EPG5: variants seen among roughly 807,000 people sequenced by gnomAD.
The protein encoded by EPG5 is ectopic P granules protein 5 homolog.
EPG5 carries 159 observed loss-of-function variants against 302.7 expected under a neutral mutation model. That is an observed-to-expected ratio of 0.53 (90% CI 0.46 to 0.60). EPG5 has a LOEUF of 0.60. EPG5 is among the 20% of genes least tolerant of loss of function. The pLI is 0.00. For missense variants in EPG5, 2,896 were observed against 3,092.4 expected, an observed-to-expected ratio of 0.94 and a Z score of 1.51; for synonymous variants, 1,158 against 1,136.8, an observed-to-expected ratio of 1.02 and a Z score of -0.37.
chr18:45,934,677 T>G (rs887385036), intron 11 of EPG5, 132 bp downstream of exon 11: 2 of 1,033,240 alleles, frequency 1.9e-6, no homozygotes, highest in Non-Finnish European at 2.7e-6. Flanking sequence ...CTCCTGAATT[T>G]CAAAATCATT....
Position 45,954,970 on chromosome 18 carries a change from A to G in EPG5, c.432T>C (p.Asn144=), listed in dbSNP as rs1238100477. Reference sequence around the variant, plus strand: ...CTGAAAGTCCACCTTGTACCGACATATTTTCCTCTACCTCTGTGAAGTTCT... The same window carrying G: ...CTGAAAGTCCACCTTGTACCGACATGTTTTCCTCTACCTCTGTGAAGTTCT... ...TPKNFTEVEE[N]MSVQGGLSES... is the part of the protein sequence containing the mutation. The change falls in exon 2 of 44, where the codon AAT becomes AAC. Residue 144 remains asparagine, a synonymous_variant. Transcript: ENST00000282041. 7 of 1,613,854 alleles carry G rather than the reference A, an allele frequency of 4.3e-6. No homozygotes were observed. The highest frequency in any genetic ancestry group is 5.1e-6 in the Non-Finnish European group (6 of 1,179,956).
At chr18:45,954,317 G>T in intron 2 of EPG5, 77 bp downstream of exon 2, 1 of 1,344,066 alleles carries the variant, frequency 7.4e-7, no homozygotes, top group Non-Finnish European at 1.0e-6. Context: ...TGGGTGTAAG[G>T]CACAGACTCC....
At chr18:45,838,684 C>G in the EPG5 span, 1 of 1,527,196 alleles carries the variant, frequency 6.5e-7, no homozygotes, top group Admixed American at 1.9e-5. Flanking sequence ...GGGAGGGGTG[C>G]CCTTGTGACA....
At chr18:45,815,616 A>G in the EPG5 span, among the ~76,000 whole-genome samples, 2 of 152,228 alleles carry the variant, frequency 1.3e-5, no homozygotes, top group Admixed American at 6.5e-5. Flanking sequence ...GGAAAACTAC[A>G]AAACATTGCT....
intron 20 of EPG5, 41 bp downstream of exon 20, chr18:45,915,470 T>G: frequency 7.2e-7 from 1 of 1,389,876 alleles, no homozygotes; most frequent in South Asian, 1.2e-5. Context: ...GAGATTAAAG[T>G]TCACAAAGAT....
chr18:45,853,219 A>G (rs1367451320), intron 43 of EPG5, among the ~76,000 whole-genome samples: 1 of 152,242 alleles, frequency 6.6e-6, no homozygotes, highest in Non-Finnish European at 1.5e-5. Flanking sequence ...AGTGCTGCCA[A>G]GAGTAAGTGA....
rs1599546286 is a variant in EPG5 at position 45,908,047 on chromosome 18, C to T, written c.4240G>A (p.Glu1414Lys). 6.4e-7 allele frequency: 1 copy of T among 1,567,116 alleles called. No homozygotes were observed. The highest frequency in any genetic ancestry group is 8.7e-7 in the Non-Finnish European group (1 of 1,148,298). The change falls in exon 24 of 44, where the codon GAG becomes AAG. Residue 1414 changes from glutamate (E) to lysine (K), a missense_variant. Coordinates refer to ENST00000282041, the MANE Select transcript of EPG5 (RefSeq NM_020964.3). ...FNVYILWLED[E>K]NFQKGDTYIP... ...TAGGTATCTCCTTTTTGAAAATTCT[C>T]ATCTTCTAGCCATAATATATATACA... is the stretch of plus-strand genomic sequence containing the variant.
chr18:45,906,638 T>G (rs1212559070), intron 24 of EPG5, among the ~76,000 whole-genome samples: 1 of 151,850 alleles, frequency 6.6e-6, no homozygotes, highest in Non-Finnish European at 1.5e-5. Flanking sequence ...TAGTACCCTG[T>G]GCATTCCACT....
intron 5 of EPG5, 139 bp downstream of exon 5, chr18:45,949,345 A>G: frequency 3.6e-6 from 2 of 549,726 alleles, no homozygotes; most frequent in South Asian, 5.6e-5. Flanking sequence ...ATAAATGTAT[A>G]CTGGATATAT....
At chr18:45,861,389 A>G (rs1365415319) in intron 39 of EPG5, among the ~76,000 whole-genome samples, 1 of 152,256 alleles carries the variant, frequency 6.6e-6, no homozygotes, top group Non-Finnish European at 1.5e-5. Context: ...GACTAATAGG[A>G]ATAGATTACT....
At chr18:45,905,845 T>C (rs553545840) in intron 24 of EPG5, among the ~76,000 whole-genome samples, 1 of 152,304 alleles carries the variant, frequency 6.6e-6, no homozygotes, top group Non-Finnish European at 1.5e-5. Context: ...ACCAAGTACC[T>C]ACCATGTACA....
the EPG5 span, among the ~76,000 whole-genome samples, chr18:45,817,706 G>A: frequency 1.3e-5 from 2 of 152,240 alleles, no homozygotes; most frequent in African/African-American, 2.4e-5. Context: ...TGCTGCTTGA[G>A]AGTCCTCATG....
At chr18:45,836,204 T>G in the EPG5 span, among the ~76,000 whole-genome samples, 1 of 152,124 alleles carries the variant, frequency 6.6e-6, no homozygotes. Flanking sequence ...AAAAGTCATA[T>G]TTCTCCCATC....
At position 45,967,235 on chromosome 18, in the gene EPG5, G is replaced by A. The variant is rs2143989952; in HGVS notation, c.5C>T (p.Ala2Val). Reference protein sequence around the residue: MAEAVKPQRRAK... With the variant: MVEAVKPQRRAK... The stretch of plus-strand genomic sequence containing the variant: ...CCGGCGCTGGGGCTTCACCGCCTCG[G>A]CCATAGACCCTTCCGCGGCGCCGTC... Residue 2 changes from alanine (A) to valine (V), a missense_variant, in exon 1 of 44, where the codon GCC (alanine) becomes GTC (valine). Physicochemically the swap from Ala to Val is moderately conservative, Grantham distance 64. Coordinates refer to ENST00000282041, the MANE Select transcript of EPG5 (RefSeq NM_020964.3). 1 of 1,597,688 alleles carries A rather than the reference G, an allele frequency of 6.3e-7. No individual in the cohort carries two copies. Among genetic ancestry groups the A allele is most frequent in the Non-Finnish European group, 8.5e-7 (1 of 1,172,634 alleles).
In EPG5 at chr18:45,912,398, T is replaced by TA; in HGVS notation, c.3874dup (p.Tyr1292LeufsTer13). 1 of 1,610,910 alleles carries TA rather than the reference T, an allele frequency of 6.2e-7. No individual in the cohort carries two copies. Among genetic ancestry groups the TA allele is most frequent in the Non-Finnish European group, 8.5e-7 (1 of 1,178,946 alleles). On this transcript the variant is annotated frameshift_variant, in exon 22 of 44. Transcript: ENST00000282041. LOFTEE classifies it high-confidence loss of function. ...GACCAGAGCCTGGTGGGCCCAGCGA[T>TA]AAATCAGCAGCCTCTGGAGGGATGG...
chr18:45,895,845 C>A (rs2049459149), intron 27 of EPG5, among the ~76,000 whole-genome samples: 1 of 152,160 alleles, frequency 6.6e-6, no homozygotes, highest in South Asian at 2.1e-4. Flanking sequence ...GAGTCATAAA[C>A]ACTGAGAACT....
chr18:45,886,175 C>T (rs2049212947), intron 29 of EPG5, among the ~76,000 whole-genome samples: 1 of 152,208 alleles, frequency 6.6e-6, no homozygotes, highest in South Asian at 2.1e-4. Context: ...TATCAAATTC[C>T]TTTGACACAG....
intron 35 of EPG5, among the ~76,000 whole-genome samples, chr18:45,875,871 A>T (rs988284610): frequency 2.0e-5 from 3 of 152,150 alleles, no homozygotes; most frequent in African/African-American, 7.2e-5. Flanking sequence ...CCTGGGCAAC[A>T]TGGTGAAACC....
At chr18:45,907,546 T>C (rs1020441452) in intron 24 of EPG5, among the ~76,000 whole-genome samples, 1 of 152,080 alleles carries the variant, frequency 6.6e-6, no homozygotes, top group Non-Finnish European at 1.5e-5. Context: ...GCTCCTGATC[T>C]CCTCCATGCA....
Sources: allele counts gnomAD v4.1 joint callset (sites outside exome capture counted in the v4.1 genomes callset), GRCh38; gene constraint gnomAD v4.1.1; transcripts MANE v1.5; gene names NCBI Gene and HGNC (gene_info 2026-07-23, HGNC 2026-07-21).